The following BAIAP2L2 variants were observed in gnomAD, a reference collection of about 807,000 sequenced individuals.
The protein encoded by BAIAP2L2 is BAR/IMD domain containing adaptor protein 2 like 2.
BAIAP2L2 carries 65 observed loss-of-function variants against 60.4 expected under a neutral mutation model. The ratio of observed to expected loss-of-function variants is 1.08; its 90% CI spans 0.88 to 1.32. The LOEUF is 1.32. Ranked by LOEUF, BAIAP2L2 falls within the 40% of genes most tolerant of loss-of-function variation. BAIAP2L2 has a pLI of 0.00. For missense variants in BAIAP2L2, 836 were observed against 741.2 expected (o/e 1.13, Z -1.48); for synonymous variants, 344 against 301.7 (o/e 1.14, Z -1.45).
At chr22:38,092,528 C>T (rs944270600) in intron 7 of BAIAP2L2, among the ~76,000 whole-genome samples, 10 of 152,038 alleles carry the variant, frequency 6.6e-5, no homozygotes, top group Non-Finnish European at 1.5e-4. Flanking sequence ...CCACCCACCT[C>T]GACCTCCCAA....
intron 2 of BAIAP2L2, among the ~76,000 whole-genome samples, chr22:38,108,651 G>A (rs1451742161): frequency 6.6e-6 from 1 of 152,130 alleles, no homozygotes; most frequent in Non-Finnish European, 1.5e-5. Context: ...CAGCGGACGG[G>A]TACAAGGGTT....
In BAIAP2L2 at chr22:38,108,289, C is replaced by G; in HGVS notation, c.180G>C (p.Glu60Asp). 1 of 1,612,750 alleles carries G rather than the reference C, an allele frequency of 6.2e-7. No homozygotes were observed. ...VYFSAIQKIG[E>D]RALQSPTSQI... is the part of the protein sequence containing the mutation. ...GTGAGGTGGGGCTCTGCAGGGCACGCTCCCCAATCTTCTGGATGGCACTGA... is the reference window on the plus strand; with the variant it reads ...GTGAGGTGGGGCTCTGCAGGGCACGGTCCCCAATCTTCTGGATGGCACTGA... The change falls in exon 3 of 14, where the codon GAG becomes GAC. Residue 60 changes from glutamate to aspartate, a missense_variant. By Grantham distance (45) the Glu-to-Asp change is conservative. Transcript: ENST00000381669.
At chr22:38,104,374 C>T (rs182130755) in intron 4 of BAIAP2L2, among the ~76,000 whole-genome samples, 1 of 152,274 alleles carries the variant, frequency 6.6e-6, no homozygotes, top group East Asian at 1.9e-4. Flanking sequence ...AGGAGAGCAT[C>T]CTCAGCAACT....
intron 6 of BAIAP2L2, 79 bp downstream of exon 6, chr22:38,097,984 G>C (rs1179266907): frequency 1.5e-6 from 2 of 1,365,364 alleles, no homozygotes; most frequent in Non-Finnish European, 2.1e-6. Context: ...GAGGCGTTCG[G>C]GGTTCCCAGG....
intron 7 of BAIAP2L2, among the ~76,000 whole-genome samples, chr22:38,092,002 G>A (rs1443775991): frequency 6.6e-6 from 1 of 151,730 alleles, no homozygotes; most frequent in Non-Finnish European, 1.5e-5. Flanking sequence ...TGTTGTCAAG[G>A]GGTGCAGAAG....
In BAIAP2L2 at chr22:38,093,780, C is replaced by T. The variant is rs567147321; in HGVS notation, c.612+3252G>A. On this transcript the variant is annotated intron_variant, in intron 7 of 13. Coordinates refer to ENST00000381669, the MANE Select transcript of BAIAP2L2 (RefSeq NM_025045.6). ...ATGGACACGGAAACACTCCGGAAAA[C>T]GGTCTGGAAGTTCCACAAACAGTTA... 8.7e-5 allele frequency: 35 copies of T among 400,734 alleles called. No individual in the cohort carries two copies. The East Asian group carries it at 1.3e-3, about 14-fold the overall frequency. The allele number at this position is 400,734 out of a possible 1,614,324, so 24.8% of individuals were successfully genotyped here.
chr22:38,101,546 CAAAAAAAAAAA>C (rs71195082), intron 4 of BAIAP2L2, among the ~76,000 whole-genome samples: 4 of 30,922 alleles, frequency 1.3e-4, no homozygotes, highest in East Asian at 1.0e-3. Context: ...GATCCTGTCT[CAAAAAAAAAAA>C]AAAAAAAAAA....
intron 4 of BAIAP2L2, among the ~76,000 whole-genome samples, chr22:38,104,469 C>T (rs935259694): frequency 3.3e-5 from 5 of 151,454 alleles, no homozygotes; most frequent in African/African-American, 1.2e-4. Context: ...GGAAGGGGAA[C>T]CCGGAGGTTC....
chr22:38,084,905 G>T lies in BAIAP2L2; in HGVS notation c.*395C>A. 1 of 184,588 alleles carries T rather than the reference G, an allele frequency of 5.4e-6. No homozygotes were observed. 11.4% of individuals were successfully genotyped at this position (184,588 alleles called of 1,614,324 possible). A position where few individuals can be genotyped will look rare whatever the true frequency, so the allele number is the denominator to read the frequency against. Reference sequence around the variant, plus strand: ...CAGTCCTGCTGCCGCATCACTTTGCGTCCACTTCCTTTATTTCTCATCATT... The same window carrying T: ...CAGTCCTGCTGCCGCATCACTTTGCTTCCACTTCCTTTATTTCTCATCATT... On this transcript the variant is annotated 3_prime_UTR_variant, in exon 14 of 14. Transcript: ENST00000381669.
At chr22:38,098,025 G>T in intron 6 of BAIAP2L2, 38 bp downstream of exon 6, 1 of 647,928 alleles carries the variant, frequency 1.5e-6, no homozygotes, top group South Asian at 1.5e-5. Flanking sequence ...CTGCCCACCC[G>T]CCCTTCCTGG....
At position 38,094,424 on chromosome 22, in the gene BAIAP2L2, G is replaced by C. The variant is rs140471479; in HGVS notation, c.612+2608C>G. Among the ~76,000 whole-genome samples the C allele has an allele frequency of 4.0e-3, 608 of 152,270 alleles. 5 individuals are homozygous for C. The highest frequency in any genetic ancestry group is 0.013 in the African/African-American group (558 of 41,550). ...TGGCCTCGAACTCCTGTCCTCAGGT[G>C]ATCCACCCGCCTCGGCCTCCCACAG... On this transcript the variant is annotated intron_variant, in intron 7 of 13. Transcript: ENST00000381669.
intron 4 of BAIAP2L2, among the ~76,000 whole-genome samples, chr22:38,103,079 G>A (rs964496560): frequency 2.0e-5 from 3 of 151,768 alleles, no homozygotes; most frequent in African/African-American, 2.4e-5. Context: ...AGCCAGGCAC[G>A]GTGGCATTTT....
At chr22:38,109,051 G>A (rs2145640525) in intron 2 of BAIAP2L2, 82 bp downstream of exon 2, 1 of 1,073,920 alleles carries the variant, frequency 9.3e-7, no homozygotes. Flanking sequence ...GGTGTGGGAT[G>A]CAGAGAATCT....
At chr22:38,089,003 T>G in intron 9 of BAIAP2L2, 39 bp from the exon 10 acceptor site, 1 of 1,468,188 alleles carries the variant, frequency 6.8e-7, no homozygotes. Context: ...GGGCAGGAAG[T>G]TCTTCCTGGC....
rs536807837 is a variant in BAIAP2L2 at position 38,106,663 on chromosome 22, T to C, written c.276+1189A>G. On this transcript the variant is annotated intron_variant, in intron 4 of 13. Transcript: ENST00000381669. The stretch of plus-strand genomic sequence containing the variant: ...GGAGAACAATTAGTTAAAATTTCCT[T>C]CCGAACCTTCCCACTTGCCTCACCA... Among the ~76,000 whole-genome samples, 340 of 152,042 alleles carry C rather than the reference T, an allele frequency of 2.2e-3. 1 individual carries two copies. The highest frequency in any genetic ancestry group is 0.014 in the Middle Eastern group (4 of 294).
In BAIAP2L2 at chr22:38,097,121, C is replaced by T. The variant is rs2086452715; in HGVS notation, c.523G>A (p.Ala175Thr). The T allele has an allele frequency of 6.2e-7, 1 of 1,613,942 alleles. No individual in the cohort carries two copies. The highest frequency in any genetic ancestry group is 8.5e-7 in the Non-Finnish European group (1 of 1,180,048). The change falls in exon 7 of 14, where the codon GCG becomes ACG. Residue 175 changes from alanine to threonine, a missense_variant. By Grantham distance (58) the Ala-to-Thr change is moderately conservative. Coordinates refer to ENST00000381669, the MANE Select transcript of BAIAP2L2 (RefSeq NM_025045.6). ...CGCCGCTTCTCTTCCAATTCAGCCGCCCGCTGACTCTCAGACACGAAGGCC... is the reference window on the plus strand; with the variant it reads ...CGCCGCTTCTCTTCCAATTCAGCCGTCCGCTGACTCTCAGACACGAAGGCC... ...MQAFVSESQRAAELEEKRRYR... is the reference protein window; with the variant it reads ...MQAFVSESQRTAELEEKRRYR...
chr22:38,108,196 G>T (rs556749193), intron 3 of BAIAP2L2, 59 bp downstream of exon 3: 113 of 1,494,160 alleles, frequency 7.6e-5, no homozygotes, highest in Non-Finnish European at 1.0e-4. Context: ...CATCCTGGAA[G>T]GGCAAGGGTG....
intron 4 of BAIAP2L2, among the ~76,000 whole-genome samples, chr22:38,104,851 G>A (rs2086633081): frequency 6.6e-6 from 1 of 151,910 alleles, no homozygotes; most frequent in Admixed American, 6.6e-5. Flanking sequence ...AGGCTGTAAG[G>A]TAGAGTGATA....
intron 7 of BAIAP2L2, among the ~76,000 whole-genome samples, chr22:38,094,259 C>T (rs899360973): frequency 1.3e-5 from 2 of 152,038 alleles, no homozygotes; most frequent in Non-Finnish European, 2.9e-5. Context: ...AATCTTGGCT[C>T]ACTGCAACCT....
Sources: gnomAD v4.1 joint callset for allele counts (sites outside exome capture counted in the v4.1 genomes callset) on GRCh38, gnomAD v4.1.1 for gene constraint, MANE v1.5 for transcripts, NCBI Gene and HGNC (gene_info 2026-07-23, HGNC 2026-07-21) for gene names.